RPS6KC1: variants seen among roughly 807,000 people sequenced by gnomAD.
RPS6KC1 encodes inactive ribosomal protein S6 kinase delta-1.
In RPS6KC1, 54 loss-of-function variants were observed where a neutral mutation model predicts 103.8. The observed-to-expected ratio is 0.52, with a 90% CI of 0.42 to 0.65. The LOEUF is 0.65. Among genes scored for constraint, RPS6KC1 ranks in the 30% least tolerant of loss-of-function variants. The probability of loss-of-function intolerance (pLI) is 0.00; values close to 1 mark genes in which losing one functional copy is unlikely to be tolerated. For synonymous variants in RPS6KC1, 439 were observed against 438.7 expected, an observed-to-expected ratio of 1.00 and a Z score of -0.01; for missense variants, 1,151 against 1,253.8, an observed-to-expected ratio of 0.92 and a Z score of 1.24.
At chr1:213,071,666 A>G (rs2078896989) in intron 2 of RPS6KC1, among the ~76,000 whole-genome samples, 1 of 152,200 alleles carries the variant, frequency 6.6e-6, no homozygotes, top group South Asian at 2.1e-4. Context: ...CAAGATCATA[A>G]TGCCTGTGTA....
the RPS6KC1 span, among the ~76,000 whole-genome samples, chr1:213,477,173 A>G: frequency 6.6e-6 from 1 of 152,186 alleles, no homozygotes; most frequent in African/African-American, 2.4e-5. Flanking sequence ...GGGCCAGGAC[A>G]CAGGCTCTTC....
the RPS6KC1 span, among the ~76,000 whole-genome samples, chr1:213,686,418 T>G: frequency 2.6e-5 from 4 of 152,164 alleles, no homozygotes; most frequent in Non-Finnish European, 5.9e-5. Flanking sequence ...TCGACCCAGG[T>G]GAACTTCACT....
chr1:213,683,167 T>C, the RPS6KC1 span, among the ~76,000 whole-genome samples: 1 of 152,206 alleles, frequency 6.6e-6, no homozygotes, highest in African/African-American at 2.4e-5. Context: ...GCAAGTAAGT[T>C]CATCATGCTG....
At chr1:213,397,588 T>TACACACACACACACACACACACAC in the RPS6KC1 span, among the ~76,000 whole-genome samples, 15 of 140,468 alleles carry the variant, frequency 1.1e-4, no homozygotes, top group Admixed American at 3.6e-4. Context: ...CAGGAACACA[T>TACACACACACACACACACACACAC]ACACACACAC....
intron 8 of RPS6KC1, 142 bp downstream of exon 8, chr1:213,176,634 C>G (rs895161490): frequency 4.0e-6 from 2 of 501,222 alleles, no homozygotes; most frequent in African/African-American, 3.8e-5. Flanking sequence ...ATAACAAAAG[C>G]AAAAGAGAAA....
chr1:213,365,527 A>G, the RPS6KC1 span, among the ~76,000 whole-genome samples: 1 of 152,366 alleles, frequency 6.6e-6, no homozygotes, highest in African/African-American at 2.4e-5. Flanking sequence ...AATAGTCATA[A>G]TAGCTGTTTC....
At chr1:213,262,571 T>C (rs770975460) in intron 13 of RPS6KC1, 150 bp from the exon 14 acceptor site, 1 of 621,862 alleles carries the variant, frequency 1.6e-6, no homozygotes, top group Non-Finnish European at 2.9e-6. Context: ...ACAGCCCTCA[T>C]CCTAAACTGC....
the RPS6KC1 span, among the ~76,000 whole-genome samples, chr1:213,339,136 T>C: frequency 1.3e-5 from 2 of 152,234 alleles, no homozygotes; most frequent in African/African-American, 4.8e-5. Context: ...TGGTGGCGCA[T>C]GCCTGTAATC....
the RPS6KC1 span, among the ~76,000 whole-genome samples, chr1:213,611,485 G>A: frequency 2.7e-4 from 41 of 152,270 alleles, no homozygotes; most frequent in African/African-American, 9.1e-4. Flanking sequence ...CTGCAATGGA[G>A]TATTTCCTAA....
the RPS6KC1 span, among the ~76,000 whole-genome samples, chr1:213,538,355 T>A: frequency 2.8e-4 from 43 of 152,282 alleles, no homozygotes; most frequent in African/African-American, 9.4e-4. Flanking sequence ...GAGAAATCTC[T>A]TATTAGGTAG....
chr1:213,742,474 C>T, the RPS6KC1 span, among the ~76,000 whole-genome samples: 7 of 152,178 alleles, frequency 4.6e-5, no homozygotes, highest in African/African-American at 7.2e-5. Context: ...GAGAGGAGGA[C>T]GGGGGAACAT....
chr1:213,643,212 T>A, the RPS6KC1 span, among the ~76,000 whole-genome samples: 2 of 151,964 alleles, frequency 1.3e-5, no homozygotes, highest in Non-Finnish European at 2.9e-5. Context: ...CATAAACAAA[T>A]CTTTGGGAAT....
At chr1:213,534,934 A>G in the RPS6KC1 span, among the ~76,000 whole-genome samples, 2 of 152,080 alleles carry the variant, frequency 1.3e-5, no homozygotes, top group Non-Finnish European at 2.9e-5. Context: ...CCTTCTCCCC[A>G]ATCATGGTTA....
At chr1:213,683,755 T>A in the RPS6KC1 span, among the ~76,000 whole-genome samples, 1 of 151,922 alleles carries the variant, frequency 6.6e-6, no homozygotes, top group African/African-American at 2.4e-5. Flanking sequence ...CAACTCCACG[T>A]TCCCCACCTG....
chr1:213,232,824 G>A (rs961881138), intron 10 of RPS6KC1, among the ~76,000 whole-genome samples: 9 of 152,038 alleles, frequency 5.9e-5, no homozygotes, highest in African/African-American at 2.2e-4. Flanking sequence ...GAGGGAACAG[G>A]TGGCAAAAAA....
the RPS6KC1 span, among the ~76,000 whole-genome samples, chr1:213,581,596 G>A: frequency 6.6e-6 from 1 of 152,026 alleles, no homozygotes; most frequent in Non-Finnish European, 1.5e-5. Flanking sequence ...GTGGAAAAAT[G>A]CCCAGGCATC....
the RPS6KC1 span, among the ~76,000 whole-genome samples, chr1:213,578,267 T>C: frequency 2.0e-5 from 3 of 152,226 alleles, no homozygotes; most frequent in African/African-American, 7.2e-5. Flanking sequence ...TGGAAACACC[T>C]GAATGTCCAG....
At chr1:213,432,715 A>G in the RPS6KC1 span, among the ~76,000 whole-genome samples, 2 of 150,238 alleles carry the variant, frequency 1.3e-5, no homozygotes, top group South Asian at 4.2e-4. Context: ...CTAGAATTTT[A>G]CATAAAAGAA....
At chr1:213,702,279 T>C in the RPS6KC1 span, among the ~76,000 whole-genome samples, 2 of 152,010 alleles carry the variant, frequency 1.3e-5, no homozygotes, top group East Asian at 1.9e-4. Context: ...TCAGGGAATA[T>C]GCTTGATATT....
Sources: allele counts gnomAD v4.1 joint callset (sites outside exome capture counted in the v4.1 genomes callset), GRCh38; gene constraint gnomAD v4.1.1; transcripts MANE v1.5; gene names NCBI Gene and HGNC (gene_info 2026-07-23, HGNC 2026-07-21).